Variants in ATG9B observed in about 807,000 individuals in gnomAD.
The protein encoded by ATG9B is autophagy related 9B.
Under a neutral mutation model 92.9 loss-of-function variants are expected in ATG9B, and 92 were observed. The ratio of observed to expected loss-of-function variants is 0.99; its 90% CI spans 0.84 to 1.18. The LOEUF (loss-of-function observed/expected upper bound fraction) is 1.18, where lower values mean the gene tolerates loss of function less well. ATG9B is among the 50% of genes most tolerant of loss of function. The pLI is 0.00. For missense variants in ATG9B, 1,344 were observed against 1,235.0 expected (o/e 1.09, Z -1.32); for synonymous variants, 599 against 551.4 (o/e 1.09, Z -1.21).
Position 151,024,079 on chromosome 7 carries a change from T to C in ATG9B, c.345A>G (p.Gly115=), listed in dbSNP as rs1264313063. The part of the protein sequence containing the change: ...MTPASASPSW[G]SHSTPPLAPA... ...GGGCCAGGGGTGGGGTGGAGTGGGATCCCCAGGAGGGAGATGCAGAGGCAG... is the reference window on the plus strand; with the variant it reads ...GGGCCAGGGGTGGGGTGGAGTGGGACCCCCAGGAGGGAGATGCAGAGGCAG... The change falls in exon 1 of 14, where the codon GGA becomes GGG. Residue 115 remains glycine (G), a synonymous_variant. Transcript: ENST00000639579. 1.2e-6 allele frequency: 2 copies of C among 1,600,640 alleles called. No individual in the cohort carries two copies. Among genetic ancestry groups the C allele is most frequent in the African/African-American group, 2.7e-5 (2 of 74,570 alleles).
Position 151,024,356 on chromosome 7 carries a change from C to G in ATG9B, c.68G>C (p.Gly23Ala). 1 of 1,396,460 alleles carries G rather than the reference C, an allele frequency of 7.2e-7. No individual in the cohort carries two copies. Among genetic ancestry groups the G allele is most frequent in the African/African-American group, 1.5e-5 (1 of 68,316 alleles). 86.5% of individuals were successfully genotyped at this position (1,396,460 alleles called of 1,614,324 possible). Residue 23 changes from glycine to alanine, a missense_variant, in exon 1 of 14, where the codon GGA (glycine) becomes GCA (alanine). Coordinates refer to ENST00000639579, the MANE Select transcript of ATG9B (RefSeq NM_001317056.2). ...RLGRWGDLGP[G>A]SVPLLPMPLP... is the part of the protein sequence containing the mutation. ...TGGCATGGGGAGGAGGGGCACCGAT[C>G]CGGGCCCCAGATCTCCCCACCGCCC... is the stretch of plus-strand genomic sequence containing the variant.
Position 151,018,442 on chromosome 7 carries a change from A to C in ATG9B, c.1724T>G (p.Phe575Cys). Residue 575 changes from phenylalanine (F) to cysteine (C), a missense_variant, in exon 7 of 14, where the codon TTC becomes TGC. Phe to Cys is a radical substitution (Grantham distance 205). Transcript: ENST00000639579. This position sits in a 1 kb window ranked among gnomAD's most constrained non-coding sequence, Gnocchi z 4.7. ...ACCCTGGCACTGCTCTTCCGGAATG[A>C]AAGACCTGAAAGGCGGGATCCGTGG... ...LGVTATVARS[F>C]IPEEQCQGRA... 2.6e-6 allele frequency: 4 copies of C among 1,523,152 alleles called. No individual in the cohort carries two copies. The highest frequency in any genetic ancestry group is 3.5e-6 in the Non-Finnish European group (4 of 1,136,486). The allele number at this position is 1,523,152 out of a possible 1,614,324, so 94.4% of individuals were successfully genotyped here.
At chr7:151,013,712 G>A (rs77325852), downstream of ATG9B, 16,510 of 1,157,552 alleles carry the variant, frequency 0.014, 1,400 homozygotes, top group African/African-American at 0.2. Context: ...CCCTAACCCC[G>A]CCGCCCCGCA....
chr7:151,018,924 C>A lies in ATG9B; in HGVS notation c.1414G>T (p.Glu472Ter), dbSNP rs764454597. The A allele has an allele frequency of 5.3e-6, 8 of 1,522,928 alleles. No individual in the cohort carries two copies. The East Asian group carries it at 1.9e-4, about 36-fold the overall frequency. The allele number at this position is 1,522,928 out of a possible 1,614,324, so 94.3% of individuals were successfully genotyped here. A position where few individuals can be genotyped will look rare whatever the true frequency, so the allele number is the denominator to read the frequency against. ...FYSHVELLRR[E>*]PGALGARGWS... ...CCGCGCGCCCCCAGCGCGCCAGGCT[C>A]GCGCCGCAGCAGCTCCACGTGGCTA... is the stretch of plus-strand genomic sequence containing the variant. Residue 472 changes from glutamate to a stop codon, truncating the protein, a stop_gained, in exon 6 of 14, where the codon GAG (glutamate) becomes TAG (stop). Coordinates refer to ENST00000639579, the MANE Select transcript of ATG9B (RefSeq NM_001317056.2). LOFTEE classifies it high-confidence loss of function. The surrounding 1 kb of genome is among the most constrained non-coding windows in gnomAD (Gnocchi z 4.7).
intron 5 of ATG9B, 101 bp from the exon 6 acceptor site, chr7:151,019,475 G>A (rs969185478): frequency 7.0e-7 from 1 of 1,418,860 alleles, no homozygotes; most frequent in East Asian, 2.6e-5. Flanking sequence ...CCCGCAAACT[G>A]AGTTTGCGAT....
chr7:151,020,627 G>A (rs1030120447), intron 5 of ATG9B, among the ~76,000 whole-genome samples: 49 of 152,264 alleles, frequency 3.2e-4, no homozygotes, highest in Admixed American at 7.8e-4. Flanking sequence ...ATACAGAGGA[G>A]GGAGGAGCAG....
chr7:151,015,880 A>T lies in ATG9B; in HGVS notation c.*14+2T>A. On this transcript the variant is annotated splice_donor_variant, in intron 13 of 13. Transcript: ENST00000639579. LOFTEE classifies it low-confidence loss of function (3UTR_SPLICE). ...CCTCCCCTCACAGGAGGCAATACTG[A>T]CCCTGAGGAGTCGTCTCAGTCAGTG... 6.5e-7 allele frequency: 1 copy of T among 1,550,072 alleles called. No homozygotes were observed. The highest frequency in any genetic ancestry group is 8.7e-7 in the Non-Finnish European group (1 of 1,146,400).
chr7:151,014,733 C>G (rs1443934625), downstream of ATG9B: 1 of 152,030 alleles, frequency 6.6e-6, no homozygotes, highest in African/African-American at 2.4e-5. Flanking sequence ...CTCAGCCTCC[C>G]AAGTAGTTGG....
At chr7:151,019,500 G>A in intron 5 of ATG9B, 126 bp from the exon 6 acceptor site, 2 of 1,293,336 alleles carry the variant, frequency 1.5e-6, no homozygotes, top group Non-Finnish European at 2.0e-6. Context: ...AACTCGCCAT[G>A]ACCAAGCTAC....
chr7:151,017,999 G>C lies in ATG9B; in HGVS notation c.1924C>G (p.Leu642Val). The change falls in exon 8 of 14, where the codon CTT (leucine) becomes GTT (valine). Residue 642 changes from leucine (L) to valine (V), a missense_variant. Leu to Val is a conservative substitution (Grantham distance 32). Transcript: ENST00000639579. ...LSPLLTPLFL[L>V]FWFRPRALEI... ...AGGGCACGAGGGCGGAACCAGAAAAGCAGAAACAGCGGGGTGAGGAGCGGG... is the reference window on the plus strand; with the variant it reads ...AGGGCACGAGGGCGGAACCAGAAAACCAGAAACAGCGGGGTGAGGAGCGGG... 1 of 1,603,868 alleles carries C rather than the reference G, an allele frequency of 6.2e-7. No individual in the cohort carries two copies. The highest frequency in any genetic ancestry group is 1.1e-5 in the South Asian group (1 of 89,252).
chr7:151,022,913 T>C (rs1186051217), intron 4 of ATG9B, 132 bp downstream of exon 4: 2 of 1,072,448 alleles, frequency 1.9e-6, no homozygotes, highest in Non-Finnish European at 2.8e-6. Flanking sequence ...GTATATTAAG[T>C]GTATTTTTGG....
Position 151,024,043 on chromosome 7 carries a change from G to T in ATG9B, c.381C>A (p.Pro127=). ...HSTPPLAPAT[P]TPSQQCPQDS... is the part of the protein sequence containing the mutation. ...CCTGGGGGCACTGCTGTGAGGGAGT[G>T]GGGGTTGCCGGGGCCAGGGGTGGGG... Residue 127 remains proline (P), a synonymous_variant, in exon 1 of 14, where the codon CCC becomes CCA. Coordinates refer to ENST00000639579, the MANE Select transcript of ATG9B (RefSeq NM_001317056.2). The T allele has an allele frequency of 1.3e-6, 2 of 1,587,796 alleles. No homozygotes were observed. Among genetic ancestry groups the T allele is most frequent in the Non-Finnish European group, 8.6e-7 (1 of 1,167,112 alleles).
At position 151,018,170 on chromosome 7, in the gene ATG9B, T is replaced by C; in HGVS notation, c.1873-120A>G. 6.8e-7 allele frequency: 1 copy of C among 1,468,332 alleles called. No individual in the cohort carries two copies. 91.0% of individuals were successfully genotyped at this position (1,468,332 alleles called of 1,614,324 possible). A position where few individuals can be genotyped will look rare whatever the true frequency, so the allele number is the denominator to read the frequency against. On this transcript the variant is annotated intron_variant, in intron 7 of 13. Coordinates refer to ENST00000639579, the MANE Select transcript of ATG9B (RefSeq NM_001317056.2). The surrounding 1 kb of genome is among the most constrained non-coding windows in gnomAD (Gnocchi z 4.7). The stretch of plus-strand genomic sequence containing the variant: ...GAAGCCTCCCCACCCAGTCACTCCC[T>C]AGACTCCTGGTATAGTCCGTTTGTC...
At chr7:151,016,845 G>A (rs1179337397) in intron 9 of ATG9B, 24 bp from the exon 10 acceptor site, 1 of 1,588,676 alleles carries the variant, frequency 6.3e-7, no homozygotes. Flanking sequence ...GAGAGGGAAA[G>A]CCAAAGAGGG....
Position 151,021,346 on chromosome 7 carries a change from G to A in ATG9B, c.822-17C>T, listed in dbSNP as rs765220248. 84 of 1,568,016 alleles carry A rather than the reference G, an allele frequency of 5.4e-5. No homozygotes were observed. The highest frequency in any genetic ancestry group is 6.2e-5 in the Non-Finnish European group (72 of 1,156,070). The stretch of plus-strand genomic sequence containing the variant: ...GAGCGGATCCTGTATGGGGTTGGGC[G>A]GGCAGTGGGGGAGAAAGGTGGGCGC... On this transcript the variant is annotated splice_polypyrimidine_tract_variant and intron_variant, in intron 4 of 13. Coordinates refer to ENST00000639579, the MANE Select transcript of ATG9B (RefSeq NM_001317056.2).
At chr7:151,013,062 G>A, downstream of ATG9B, 1 of 720,206 alleles carries the variant, frequency 1.4e-6, no homozygotes, top group Non-Finnish European at 2.3e-6. Context: ...GGGCTGTGCA[G>A]GGTCTCTGTG....
At position 151,018,464 on chromosome 7, in the gene ATG9B, G is replaced by C; in HGVS notation, c.1719-17C>G. On this transcript the variant is annotated splice_polypyrimidine_tract_variant and intron_variant, in intron 6 of 13. Coordinates refer to ENST00000639579, the MANE Select transcript of ATG9B (RefSeq NM_001317056.2). The surrounding 1 kb of genome is among the most constrained non-coding windows in gnomAD (Gnocchi z 4.7). The stretch of plus-strand genomic sequence containing the variant: ...ATGAAAGACCTGAAAGGCGGGATCC[G>C]TGGGGGGAAGGGGCCTGCGATTAGG... The C allele has an allele frequency of 6.6e-7, 1 of 1,521,264 alleles. No individual in the cohort carries two copies. Among genetic ancestry groups the C allele is most frequent in the Non-Finnish European group, 8.8e-7 (1 of 1,135,522 alleles). 94.2% of individuals were successfully genotyped at this position (1,521,264 alleles called of 1,614,324 possible). A position where few individuals can be genotyped will look rare whatever the true frequency, so the allele number is the denominator to read the frequency against.
chr7:151,013,792 G>T, downstream of ATG9B: 1 of 1,611,242 alleles, frequency 6.2e-7, no homozygotes, highest in Non-Finnish European at 8.5e-7. Context: ...GCCTCGAGCG[G>T]GGCCACATGT....
chr7:151,013,889 G>A (rs1164935920), downstream of ATG9B: 5 of 1,600,654 alleles, frequency 3.1e-6, no homozygotes, highest in South Asian at 2.2e-5. Flanking sequence ...GGAGCTGGAC[G>A]AGGCCGGCGA....
Sources: gnomAD v4.1 joint callset for allele counts (sites outside exome capture counted in the v4.1 genomes callset) on GRCh38, gnomAD v4.1.1 for gene constraint, Gnocchi (gnomAD v3.1) non-coding constraint, MANE v1.5 for transcripts, NCBI Gene and HGNC (gene_info 2026-07-23, HGNC 2026-07-21) for gene names.